Variants in SETBP1 observed in about 807,000 individuals in gnomAD.
The protein encoded by SETBP1 is SET binding protein 1, also known as SET-binding protein.
Under a neutral mutation model 101.0 loss-of-function variants are expected in SETBP1, and 9 were observed. That is an observed-to-expected ratio of 0.09 (90% confidence interval 0.05 to 0.16). The LOEUF (loss-of-function observed/expected upper bound fraction) is 0.16, where lower values mean the gene tolerates loss of function less well. Among genes scored for constraint, SETBP1 ranks in the 10% least tolerant of loss-of-function variants. SETBP1 has a pLI of 1.00. For missense variants in SETBP1, 1,858 were observed against 2,033.8 expected, an observed-to-expected ratio of 0.91 and a Z score of 1.66; for synonymous variants, 818 against 788.5, an observed-to-expected ratio of 1.04 and a Z score of -0.63.
chr18:44,722,197 TG>T (rs969531361), intron 2 of SETBP1, among the ~76,000 whole-genome samples: 23 of 152,290 alleles, frequency 1.5e-4, no homozygotes, highest in African/African-American at 5.5e-4. Flanking sequence ...CATAGATGTT[TG>T]GGGGGCCTGG....
At chr18:44,734,902 T>C (rs1239520384) in intron 2 of SETBP1, among the ~76,000 whole-genome samples, 1 of 152,228 alleles carries the variant, frequency 6.6e-6, no homozygotes, top group African/African-American at 2.4e-5. Flanking sequence ...GCATATCACA[T>C]AGGAAGTACT....
At chr18:44,869,188 A>G in intron 2 of SETBP1, 42 bp from the exon 3 acceptor site, 1 of 1,593,476 alleles carries the variant, frequency 6.3e-7, no homozygotes, top group Non-Finnish European at 8.6e-7. Context: ...CTGTATGCAA[A>G]CTGAAAAGTG....
chr18:44,826,233 G>C (rs2072234526), intron 2 of SETBP1, among the ~76,000 whole-genome samples: 1 of 152,272 alleles, frequency 6.6e-6, no homozygotes, highest in South Asian at 2.1e-4. Context: ...TTGGGGCAAA[G>C]AAATGGGTGG....
At chr18:44,912,812 C>A (rs915756214) in intron 3 of SETBP1, among the ~76,000 whole-genome samples, 4 of 152,188 alleles carry the variant, frequency 2.6e-5, no homozygotes, top group African/African-American at 7.2e-5. Flanking sequence ...TAGCTGCTTC[C>A]TTTTCTGCTC....
intron 3 of SETBP1, among the ~76,000 whole-genome samples, chr18:44,933,152 T>G (rs1256913396): frequency 6.6e-6 from 1 of 152,230 alleles, no homozygotes; most frequent in Admixed American, 6.5e-5. Context: ...CCTTTCTGTT[T>G]GTTAGTTTTC....
chr18:45,036,326 C>G (rs1187633210), intron 4 of SETBP1, among the ~76,000 whole-genome samples: 1 of 136,294 alleles, frequency 7.3e-6, no homozygotes, highest in Non-Finnish European at 1.5e-5. Flanking sequence ...GAGTGAGACT[C>G]TGTCTCAAAA....
intron 4 of SETBP1, among the ~76,000 whole-genome samples, chr18:44,995,551 G>GTGTGTA (rs1365867313): frequency 8.6e-5 from 13 of 151,716 alleles, no homozygotes; most frequent in Non-Finnish European, 1.9e-4. Flanking sequence ...GTGTGTGTGT[G>GTGTGTA]TGTGTGTGTG....
rs145549368 is a variant in SETBP1 at position 45,038,580 on chromosome 18, G to T, written c.4096G>T (p.Ala1366Ser). Residue 1366 changes from alanine to serine, a missense_variant, in exon 5 of 6, where the codon GCA (alanine) becomes TCA (serine). Transcript: ENST00000649279. ...CATGATGACCAGGAAGAAGCCAGCC[G>T]CAGTTGACAGTGTTACAATTCCACC... ...PTMMTRKKPA[A>S]VDSVTIPPAP... The T allele has an allele frequency of 1.5e-5, 25 of 1,614,040 alleles. No individual in the cohort carries two copies. Among genetic ancestry groups the T allele is most frequent in the Non-Finnish European group, 1.9e-5 (23 of 1,180,024 alleles).
chr18:44,995,336 T>C (rs924478521), intron 4 of SETBP1, among the ~76,000 whole-genome samples: 27 of 151,968 alleles, frequency 1.8e-4, no homozygotes, highest in Non-Finnish European at 3.7e-4. Flanking sequence ...AGAGACAGGG[T>C]TTCACAGTGT....
intron 1 of SETBP1, among the ~76,000 whole-genome samples, chr18:44,684,112 T>C (rs374063616): frequency 3.3e-5 from 5 of 152,284 alleles, no homozygotes; most frequent in African/African-American, 1.2e-4. Context: ...TTTTGTCTGG[T>C]CCTGGGGTTC....
intron 2 of SETBP1, among the ~76,000 whole-genome samples, chr18:44,804,439 G>C (rs568478035): frequency 3.0e-4 from 46 of 152,204 alleles, no homozygotes; most frequent in African/African-American, 1.1e-3. Context: ...TCCGTGGAGA[G>C]CCTGGAGAAC....
chr18:44,788,652 A>C (rs1315606636), intron 2 of SETBP1, among the ~76,000 whole-genome samples: 1 of 152,120 alleles, frequency 6.6e-6, no homozygotes, highest in Non-Finnish European at 1.5e-5. Flanking sequence ...AAGGGAGCAG[A>C]ATTGTTTATG....
chr18:44,957,795 T>C (rs962682082), intron 4 of SETBP1, among the ~76,000 whole-genome samples: 1 of 152,164 alleles, frequency 6.6e-6, no homozygotes, highest in Non-Finnish European at 1.5e-5. Flanking sequence ...AGGAAATGTT[T>C]CAGGATCATT....
In SETBP1 at chr18:44,783,303, A is replaced by C. The variant is rs376866223; in HGVS notation, c.486+81471A>C. ...GTTAGAGACTTGCTCAAAGTGCCAC[A>C]GCTTGTTTTTAGCAGAATCTTTCTC... On this transcript the variant is annotated intron_variant, in intron 2 of 5. Transcript: ENST00000649279. Among the ~76,000 whole-genome samples the C allele has an allele frequency of 9.2e-5, 14 of 152,346 alleles. No homozygotes were observed. The East Asian group carries it at 1.7e-3, about 19-fold the overall frequency.
intron 4 of SETBP1, among the ~76,000 whole-genome samples, chr18:44,965,091 T>C (rs1345064826): frequency 6.6e-6 from 1 of 152,194 alleles, no homozygotes; most frequent in Non-Finnish European, 1.5e-5. Flanking sequence ...GCCAAATATC[T>C]TTCTTGAATA....
At chr18:44,989,192 A>G (rs1048092011) in intron 4 of SETBP1, 4 of 152,238 alleles carry the variant, frequency 2.6e-5, no homozygotes, top group African/African-American at 9.6e-5. Flanking sequence ...AGTAAGCTCA[A>G]TATGTTTTAA....
intron 1 of SETBP1, 111 bp from the exon 2 acceptor site, chr18:44,701,064 C>A: frequency 3.0e-6 from 1 of 328,396 alleles, no homozygotes; most frequent in Non-Finnish European, 5.6e-6. Context: ...TCCATCATTT[C>A]TTTTTTCCGG....
intron 5 of SETBP1, among the ~76,000 whole-genome samples, chr18:45,043,198 G>A (rs955622245): frequency 6.6e-6 from 1 of 152,124 alleles, no homozygotes; most frequent in African/African-American, 2.4e-5. Context: ...TCAGAAACAT[G>A]TTTTTTCCCC....
intron 4 of SETBP1, among the ~76,000 whole-genome samples, chr18:45,023,846 G>A (rs1216767485): frequency 3.3e-5 from 5 of 152,126 alleles, no homozygotes; most frequent in South Asian, 2.1e-4. Flanking sequence ...TAATCCCTAC[G>A]ATAGCCCTCT....
Sources: allele counts gnomAD v4.1 joint callset (sites outside exome capture counted in the v4.1 genomes callset), GRCh38; gene constraint gnomAD v4.1.1; transcripts MANE v1.5; gene names NCBI Gene and HGNC (gene_info 2026-07-23, HGNC 2026-07-21).